CSMD3: variants seen among roughly 807,000 people sequenced by gnomAD.
CSMD3 encodes the protein CUB and sushi domain-containing protein 3.
In CSMD3, 177 loss-of-function variants were observed where a neutral mutation model predicts 435.2. That is an observed-to-expected ratio of 0.41 (90% CI 0.36 to 0.46). The LOEUF (loss-of-function observed/expected upper bound fraction) is 0.46. Among genes scored for constraint, CSMD3 ranks in the 20% least tolerant of loss-of-function variants. The pLI is 0.34. For missense variants in CSMD3, 4,265 were observed against 4,504.6 expected (o/e 0.95, Z 1.52); for synonymous variants, 1,656 against 1,520.5 (o/e 1.09, Z -2.07).
intron 38 of CSMD3, among the ~76,000 whole-genome samples, chr8:112,358,468 C>T (rs59773366): frequency 6.6e-6 from 1 of 152,196 alleles, no homozygotes; most frequent in East Asian, 1.9e-4. Context: ...GGCTGTGTCC[C>T]CACCCACATC....
At chr8:113,421,070 G>GA (rs910039258) in intron 1 of CSMD3, among the ~76,000 whole-genome samples, 24 of 151,402 alleles carry the variant, frequency 1.6e-4, no homozygotes, top group African/African-American at 2.7e-4. Flanking sequence ...AAAATAATTA[G>GA]AAAAAAACAC....
chr8:113,155,158 G>A (rs935204745), intron 4 of CSMD3, among the ~76,000 whole-genome samples: 13 of 151,992 alleles, frequency 8.6e-5, no homozygotes, highest in Admixed American at 8.5e-4. Flanking sequence ...TATTACTGAA[G>A]TGTGAAAAGA....
intron 22 of CSMD3, among the ~76,000 whole-genome samples, chr8:112,614,292 C>T (rs1426553977): frequency 6.6e-6 from 1 of 152,084 alleles, no homozygotes; most frequent in Non-Finnish European, 1.5e-5. Flanking sequence ...TCCCCAGAGT[C>T]TATTTGCAAC....
chr8:112,954,690 A>G lies in CSMD3; in HGVS notation c.1414T>C (p.Ser472Pro), dbSNP rs1226745665. 1.3e-6 allele frequency: 2 copies of G among 1,595,928 alleles called. No individual in the cohort carries two copies. Among genetic ancestry groups the G allele is most frequent in the Non-Finnish European group, 1.7e-6 (2 of 1,164,688 alleles). ...FPGKDNSNKF[S>P]ILNEGGIKTA... ...AAAAAAGAAGTACACTCACAGATAG[A>G]AAACTTGTTGCTGTTGTCTTTCCCT... The change falls in exon 8 of 71, where the codon TCT becomes CCT. Residue 472 changes from serine to proline, a missense_variant. Transcript: ENST00000297405.
At chr8:113,014,021 C>G (rs1489871031) in intron 6 of CSMD3, among the ~76,000 whole-genome samples, 1 of 152,078 alleles carries the variant, frequency 6.6e-6, no homozygotes, top group African/African-American at 2.4e-5. Context: ...TTTTCTGCAA[C>G]AGCTTTAGCT....
intron 32 of CSMD3, among the ~76,000 whole-genome samples, chr8:112,413,318 T>G (rs1161175174): frequency 1.3e-5 from 2 of 152,192 alleles, no homozygotes; most frequent in African/African-American, 4.8e-5. Flanking sequence ...GATTGAGAGG[T>G]AGGGTTCCAT....
At chr8:112,978,283 T>A (rs561510585) in intron 6 of CSMD3, among the ~76,000 whole-genome samples, 1 of 152,002 alleles carries the variant, frequency 6.6e-6, no homozygotes, top group Non-Finnish European at 1.5e-5. Context: ...AAGGGATGGA[T>A]TAAATTATCA....
chr8:112,593,370 G>A (rs1203611309), intron 22 of CSMD3, among the ~76,000 whole-genome samples: 5 of 152,192 alleles, frequency 3.3e-5, no homozygotes, highest in Non-Finnish European at 7.3e-5. Context: ...AATGGAGGAA[G>A]AGGAGATGCC....
At chr8:112,599,610 GA>G (rs71566034) in intron 22 of CSMD3, among the ~76,000 whole-genome samples, 25,076 of 151,168 alleles carry the variant, frequency 0.17, 2,615 homozygotes, top group South Asian at 0.29. Flanking sequence ...CAAAGACTTG[GA>G]ACCAACCCAA....
At chr8:112,966,237 T>A (rs1266927034) in intron 7 of CSMD3, among the ~76,000 whole-genome samples, 1 of 151,680 alleles carries the variant, frequency 6.6e-6, no homozygotes. Flanking sequence ...CCAGATAATT[T>A]TTTAAAAGTT....
rs200515424 is a variant in CSMD3, at chr8:112,318,872, C to T, written c.7325G>A (p.Arg2442Gln). 1.7e-5 allele frequency: 28 copies of T among 1,612,438 alleles called. No homozygotes were observed. The highest frequency in any genetic ancestry group is 1.3e-4 in the East Asian group (6 of 44,824). ...NAILTCRLGE[R>Q]LQMDGAPPVC... ...TGGAGGTGCTCCATCCATCTGCAGT[C>T]GTTCTCCTAATCTGCACGTCAGAAT... Residue 2442 changes from arginine to glutamine, a missense_variant, in exon 47 of 71, where the codon CGA becomes CAA. This residue lies in a region of CSMD3 where 3,255 missense variants were observed against 3,380.2 expected (regional missense o/e 0.96). Transcript: ENST00000297405.
intron 42 of CSMD3, among the ~76,000 whole-genome samples, chr8:112,338,878 C>A (rs568591383): frequency 3.3e-5 from 5 of 152,080 alleles, no homozygotes; most frequent in Admixed American, 3.3e-4. Context: ...ATTAAATATA[C>A]CCTTTCAATT....
At chr8:112,766,120 CA>C (rs1415577651) in intron 13 of CSMD3, among the ~76,000 whole-genome samples, 2 of 151,638 alleles carry the variant, frequency 1.3e-5, no homozygotes, top group African/African-American at 4.8e-5. Context: ...CTACTCTCCA[CA>C]GGTGGAGAGG....
At chr8:112,334,694 C>T (rs1305916548) in intron 45 of CSMD3, among the ~76,000 whole-genome samples, 3 of 152,064 alleles carry the variant, frequency 2.0e-5, no homozygotes, top group Admixed American at 1.3e-4. Flanking sequence ...AAGAGAAACA[C>T]CTCTGTGAAA....
intron 13 of CSMD3, among the ~76,000 whole-genome samples, chr8:112,793,902 AAACTT>A (rs2078756274): frequency 6.6e-6 from 1 of 152,204 alleles, no homozygotes; most frequent in South Asian, 2.1e-4. Context: ...GATTTAGACT[AAACTT>A]AATTTAACAC....
chr8:112,953,076 T>G (rs1022724019), intron 8 of CSMD3, among the ~76,000 whole-genome samples: 1 of 151,438 alleles, frequency 6.6e-6, no homozygotes, highest in Non-Finnish European at 1.5e-5. Context: ...ATTTGGAAGT[T>G]TGAACCATGC....
chr8:112,748,915 T>C lies in CSMD3; in HGVS notation c.1972+51247A>G, dbSNP rs528406118. 7.2e-5 allele frequency among the ~76,000 whole-genome samples: 11 copies of C among 152,310 alleles called. No individual in the cohort carries two copies. The South Asian group carries it at 1.7e-3, about 23-fold the overall frequency. On this transcript the variant is annotated intron_variant, in intron 13 of 70. Coordinates refer to ENST00000297405, the MANE Select transcript of CSMD3 (RefSeq NM_198123.2). ...CTTTTAGCTCTTTAAGGAATCATCATACTGCTTTTCAAAATTGTTGAACTT... is the reference window on the plus strand; with the variant it reads ...CTTTTAGCTCTTTAAGGAATCATCACACTGCTTTTCAAAATTGTTGAACTT...
intron 32 of CSMD3, among the ~76,000 whole-genome samples, chr8:112,461,101 A>G (rs1277823443): frequency 1.3e-5 from 2 of 152,152 alleles, no homozygotes; most frequent in Non-Finnish European, 2.9e-5. Flanking sequence ...CAAAACAGAA[A>G]AAAACACCAA....
At chr8:113,393,563 C>T (rs1297147770) in intron 1 of CSMD3, among the ~76,000 whole-genome samples, 1 of 151,968 alleles carries the variant, frequency 6.6e-6, no homozygotes, top group Non-Finnish European at 1.5e-5. Context: ...TTACAATGGA[C>T]AAACGGTGCT....
Sources: gnomAD v4.1 joint callset for allele counts (sites outside exome capture counted in the v4.1 genomes callset) on GRCh38, gnomAD v4.1.1 for gene constraint, gnomAD v4.1.1 regional missense constraint, MANE v1.5 for transcripts, NCBI Gene and HGNC (gene_info 2026-07-23, HGNC 2026-07-21) for gene names.